The following MYT1L variants were observed in gnomAD, a reference collection of about 807,000 sequenced individuals.
The protein encoded by MYT1L is myelin transcription factor 1-like protein.
A neutral mutation model predicts 126.7 loss-of-function variants in MYT1L; 12 were observed. That is an observed-to-expected ratio of 0.09 (90% confidence interval 0.06 to 0.15). MYT1L has a LOEUF of 0.15. MYT1L is among the 10% of genes least tolerant of loss of function. MYT1L has a pLI of 1.00. For synonymous variants in MYT1L, 541 were observed against 604.2 expected (o/e 0.90, Z 1.53); for missense variants, 979 against 1,585.2 (o/e 0.62, Z 6.49).
intron 15 of MYT1L, among the ~76,000 whole-genome samples, chr2:1,891,301 T>G (rs1225104208): frequency 1.3e-5 from 2 of 152,210 alleles, no homozygotes; most frequent in Non-Finnish European, 2.9e-5. Context: ...ACATGTCCGC[T>G]GCTCAGCGTC....
At chr2:2,051,695 T>G (rs559600124) in intron 4 of MYT1L, among the ~76,000 whole-genome samples, 6 of 152,350 alleles carry the variant, frequency 3.9e-5, no homozygotes, top group African/African-American at 1.4e-4. Flanking sequence ...TAGAAAACTT[T>G]ATATTTGATA....
At chr2:1,903,926 CGTGTGTGT>C (rs140944278) in intron 13 of MYT1L, among the ~76,000 whole-genome samples, 2 of 150,494 alleles carry the variant, frequency 1.3e-5, no homozygotes, top group Admixed American at 6.6e-5. Context: ...GACACCATGT[CGTGTGTGT>C]GTGTGTGTGT....
intron 18 of MYT1L, among the ~76,000 whole-genome samples, chr2:1,860,020 G>A (rs1330633089): frequency 1.3e-5 from 2 of 152,232 alleles, no homozygotes; most frequent in South Asian, 2.1e-4. Flanking sequence ...TCTGTTTCCC[G>A]ACCATGCAGC....
At chr2:2,135,803 A>C (rs1374065727) in intron 3 of MYT1L, among the ~76,000 whole-genome samples, 1 of 152,126 alleles carries the variant, frequency 6.6e-6, no homozygotes, top group African/African-American at 2.4e-5. Context: ...AAAAAGAGGA[A>C]TGCGCTGTCT....
intron 3 of MYT1L, among the ~76,000 whole-genome samples, chr2:2,147,921 A>G (rs1396623447): frequency 6.6e-6 from 1 of 152,200 alleles, no homozygotes; most frequent in Non-Finnish European, 1.5e-5. Context: ...TTTGTCTTTC[A>G]CTTTCCTGCT....
intron 8 of MYT1L, among the ~76,000 whole-genome samples, chr2:1,964,968 G>T (rs1311930576): frequency 6.6e-6 from 1 of 152,220 alleles, no homozygotes; most frequent in Non-Finnish European, 1.5e-5. Context: ...CACTGTTCTA[G>T]GAGAGCCATT....
intron 2 of MYT1L, among the ~76,000 whole-genome samples, chr2:2,227,588 C>T (rs1332926636): frequency 6.6e-6 from 1 of 152,206 alleles, no homozygotes; most frequent in Non-Finnish European, 1.5e-5. Context: ...TGGGCACAGA[C>T]TCACATGGAA....
chr2:1,938,335 C>T (rs932627136), intron 9 of MYT1L, among the ~76,000 whole-genome samples: 1 of 152,074 alleles, frequency 6.6e-6, no homozygotes, highest in African/African-American at 2.4e-5. Flanking sequence ...TTTATCATAA[C>T]ATAAAAAGAT....
At chr2:2,157,732 A>G (rs1412530515) in intron 3 of MYT1L, among the ~76,000 whole-genome samples, 6 of 152,176 alleles carry the variant, frequency 3.9e-5, no homozygotes, top group African/African-American at 4.8e-5. Context: ...TAGGATATGC[A>G]TGGTTTGCTT....
At chr2:1,884,890 A>G (rs2047981426) in intron 18 of MYT1L, among the ~76,000 whole-genome samples, 1 of 152,236 alleles carries the variant, frequency 6.6e-6, no homozygotes, top group African/African-American at 2.4e-5. Context: ...CCGTCACACC[A>G]TCTTGCAAGA....
chr2:2,216,425 G>A (rs1428612555), intron 2 of MYT1L, among the ~76,000 whole-genome samples: 1 of 152,128 alleles, frequency 6.6e-6, no homozygotes, highest in Admixed American at 6.6e-5. Context: ...TGGGTCAAAG[G>A]AGGAATATGA....
At chr2:1,919,590 C>T (rs1428369810) in intron 10 of MYT1L, among the ~76,000 whole-genome samples, 2 of 152,244 alleles carry the variant, frequency 1.3e-5, no homozygotes, top group South Asian at 2.1e-4. Flanking sequence ...AATGAGAATA[C>T]AAGTGTTCTC....
At position 1,979,533 on chromosome 2, in the gene MYT1L, T is replaced by G; in HGVS notation, c.77A>C (p.Gln26Pro). The change falls in exon 7 of 25, where the codon CAA (glutamine) becomes CCA (proline). Residue 26 changes from glutamine (Q) to proline (P), a missense_variant. By Grantham distance (76) the Gln-to-Pro change is moderately conservative. Transcript: ENST00000647738. This position sits in a 1 kb window ranked among gnomAD's most constrained non-coding sequence, Gnocchi z 4.0. The stretch of plus-strand genomic sequence containing the variant: ...ACATGGCACTAACCTGAACAGCTCT[T>G]GTATGGCTGGTTCCACGGGAACTGC... The part of the protein sequence containing the change: ...GVRVPVEPAI[Q>P]ELFSCPTPGC... 1 of 1,613,856 alleles carries G rather than the reference T, an allele frequency of 6.2e-7. No homozygotes were observed.
At chr2:2,124,549 G>A (rs2081444073) in intron 3 of MYT1L, among the ~76,000 whole-genome samples, 1 of 152,140 alleles carries the variant, frequency 6.6e-6, no homozygotes, top group African/African-American at 2.4e-5. Flanking sequence ...ACCTGCCTCG[G>A]CCTCCCAAAG....
chr2:1,952,631 C>T (rs950385646), intron 8 of MYT1L, among the ~76,000 whole-genome samples: 3 of 151,232 alleles, frequency 2.0e-5, no homozygotes, highest in Non-Finnish European at 4.4e-5. Context: ...AATGCGAACC[C>T]TTGTGTGCCA....
chr2:2,019,067 A>C (rs1210471820), intron 4 of MYT1L, among the ~76,000 whole-genome samples: 1 of 152,078 alleles, frequency 6.6e-6, no homozygotes, highest in Admixed American at 6.5e-5. Flanking sequence ...AAAAGAAATT[A>C]ATTTGGTGAC....
intron 18 of MYT1L, 195 bp downstream of exon 18, chr2:1,886,344 G>C: frequency 2.3e-6 from 1 of 425,842 alleles, no homozygotes; most frequent in African/African-American, 2.0e-5. Flanking sequence ...GTATGTCAGG[G>C]GAAAAGGCAG....
intron 2 of MYT1L, among the ~76,000 whole-genome samples, chr2:2,184,012 A>G (rs1055457606): frequency 6.6e-6 from 1 of 151,050 alleles, no homozygotes; most frequent in African/African-American, 2.4e-5. Context: ...AGAAAGAGAA[A>G]GAGAGAAAGA....
chr2:2,136,509 C>T (rs1251056706), intron 3 of MYT1L, among the ~76,000 whole-genome samples: 3 of 152,208 alleles, frequency 2.0e-5, no homozygotes, highest in East Asian at 1.9e-4. Flanking sequence ...TCCCTTCCCT[C>T]GCCCTCAAGA....
Sources: gnomAD v4.1 joint callset for allele counts (sites outside exome capture counted in the v4.1 genomes callset) on GRCh38, gnomAD v4.1.1 for gene constraint, Gnocchi (gnomAD v3.1) non-coding constraint, MANE v1.5 for transcripts, NCBI Gene and HGNC (gene_info 2026-07-23, HGNC 2026-07-21) for gene names.